Variants in KIAA1328 observed in about 807,000 individuals in gnomAD.
KIAA1328 encodes protein hinderin.
A neutral mutation model predicts 68.1 loss-of-function variants in KIAA1328; 52 were observed. The observed-to-expected ratio is 0.76, with a 90% CI of 0.61 to 0.96. The LOEUF (loss-of-function observed/expected upper bound fraction) is 0.96. Among genes scored for constraint, KIAA1328 ranks in the 40% least tolerant of loss-of-function variants. The pLI, the probability that KIAA1328 is intolerant of heterozygous loss-of-function variation, is 0.00. For synonymous variants in KIAA1328, 232 were observed against 239.4 expected (o/e 0.97, Z 0.28); for missense variants, 641 against 677.6 (o/e 0.95, Z 0.60).
chr18:36,994,162 A>G (rs568257162), intron 6 of KIAA1328, among the ~76,000 whole-genome samples: 1 of 152,164 alleles, frequency 6.6e-6, no homozygotes, highest in Non-Finnish European at 1.5e-5. Flanking sequence ...TAAACTCATG[A>G]CAATACCACA....
At chr18:37,198,022 G>A (rs927462339) in intron 9 of KIAA1328, among the ~76,000 whole-genome samples, 2 of 152,122 alleles carry the variant, frequency 1.3e-5, no homozygotes, top group Non-Finnish European at 2.9e-5. Context: ...GCAACAAAAA[G>A]GAATGAAGTA....
chr18:37,107,157 G>T (rs532517924), intron 7 of KIAA1328, among the ~76,000 whole-genome samples: 2 of 152,282 alleles, frequency 1.3e-5, no homozygotes, highest in African/African-American at 4.8e-5. Context: ...CAGGAGAATG[G>T]CTTGAGCTCA....
intron 5 of KIAA1328, among the ~76,000 whole-genome samples, chr18:36,913,580 A>C: frequency 7.4e-6 from 1 of 135,710 alleles, no homozygotes. Flanking sequence ...TACTTAGAGG[A>C]AAGCAACTGC....
intron 7 of KIAA1328, among the ~76,000 whole-genome samples, chr18:37,151,299 T>A (rs541712190): frequency 1.3e-5 from 2 of 152,284 alleles, no homozygotes; most frequent in East Asian, 3.9e-4. Context: ...AAGAAAGATA[T>A]GCTCTTGAAT....
chr18:37,216,473 C>A (rs2060435784), intron 9 of KIAA1328, among the ~76,000 whole-genome samples: 1 of 152,044 alleles, frequency 6.6e-6, no homozygotes, highest in Non-Finnish European at 1.5e-5. Flanking sequence ...AGTTTCTTAA[C>A]CCTGAGTTTG....
chr18:37,173,224 T>A (rs2059535319), intron 9 of KIAA1328, 143 bp downstream of exon 9: 1 of 600,330 alleles, frequency 1.7e-6, no homozygotes, highest in Non-Finnish European at 2.8e-6. Context: ...GCATCTAGAT[T>A]TGGCCAGTTT....
chr18:37,119,944 G>A (rs1051186183), intron 7 of KIAA1328, among the ~76,000 whole-genome samples: 1 of 152,106 alleles, frequency 6.6e-6, no homozygotes, highest in African/African-American at 2.4e-5. Flanking sequence ...GTAGGGATGG[G>A]GCAAAGAAAA....
At chr18:36,864,767 G>A (rs2047690831) in intron 4 of KIAA1328, among the ~76,000 whole-genome samples, 1 of 151,854 alleles carries the variant, frequency 6.6e-6, no homozygotes, top group Non-Finnish European at 1.5e-5. Flanking sequence ...TAACTTTTTA[G>A]TTAAAAATTC....
chr18:36,984,334 A>G (rs2052819844), intron 6 of KIAA1328, among the ~76,000 whole-genome samples: 1 of 152,230 alleles, frequency 6.6e-6, no homozygotes, highest in Non-Finnish European at 1.5e-5. Context: ...ATTTATAAAT[A>G]GCATGACCAT....
At chr18:36,892,373 A>G (rs1207209750) in intron 5 of KIAA1328, among the ~76,000 whole-genome samples, 1 of 152,188 alleles carries the variant, frequency 6.6e-6, no homozygotes, top group East Asian at 1.9e-4. Context: ...AAGACTGTAA[A>G]TAGAAGAGAA....
intron 4 of KIAA1328, among the ~76,000 whole-genome samples, chr18:36,844,703 C>G (rs1355141902): frequency 6.6e-6 from 1 of 151,842 alleles, no homozygotes; most frequent in Non-Finnish European, 1.5e-5. Context: ...TATTGCCTTG[C>G]TAATTCCTAA....
chr18:37,113,452 A>G (rs1183296451), intron 7 of KIAA1328, among the ~76,000 whole-genome samples: 1 of 152,244 alleles, frequency 6.6e-6, no homozygotes, highest in Non-Finnish European at 1.5e-5. Flanking sequence ...ACAGACAAGC[A>G]AATGCTGAAA....
intron 6 of KIAA1328, among the ~76,000 whole-genome samples, chr18:36,990,749 A>T (rs2151414836): frequency 6.6e-6 from 1 of 152,156 alleles, no homozygotes; most frequent in East Asian, 1.9e-4. Context: ...ACATCCTTGT[A>T]CATGTAACTT....
intron 7 of KIAA1328, among the ~76,000 whole-genome samples, chr18:37,136,873 G>A: frequency 6.6e-6 from 1 of 152,130 alleles, no homozygotes; most frequent in East Asian, 1.9e-4. Context: ...AATTCTCAAG[G>A]TCTTTGTAGG....
At chr18:37,171,535 A>G (rs1006175977) in intron 8 of KIAA1328, among the ~76,000 whole-genome samples, 2 of 152,120 alleles carry the variant, frequency 1.3e-5, no homozygotes, top group Non-Finnish European at 2.9e-5. Context: ...GTGATAGTCA[A>G]GAGTGTCTTG....
intron 1 of KIAA1328, among the ~76,000 whole-genome samples, chr18:36,833,647 A>C (rs1037007067): frequency 2.0e-5 from 3 of 152,256 alleles, no homozygotes; most frequent in Non-Finnish European, 4.4e-5. Flanking sequence ...AGCTTATTGC[A>C]ATAATCCTGG....
intron 5 of KIAA1328, among the ~76,000 whole-genome samples, chr18:36,954,659 T>G (rs567136934): frequency 1.8e-4 from 28 of 152,214 alleles, no homozygotes; most frequent in African/African-American, 6.5e-4. Flanking sequence ...AGTAATTAGT[T>G]TGCTTTCTTC....
intron 4 of KIAA1328, among the ~76,000 whole-genome samples, chr18:36,874,692 C>T (rs1337722251): frequency 6.6e-6 from 1 of 152,154 alleles, no homozygotes; most frequent in Non-Finnish European, 1.5e-5. Flanking sequence ...TTAATTAGAA[C>T]CCATTTGTAA....
At chr18:36,869,824 G>A (rs187539440) in intron 4 of KIAA1328, among the ~76,000 whole-genome samples, 114 of 152,230 alleles carry the variant, frequency 7.5e-4, no homozygotes, top group African/African-American at 2.7e-3. Context: ...GGACATTTGA[G>A]AATTGAGTAT....
Sources: allele counts gnomAD v4.1 joint callset (sites outside exome capture counted in the v4.1 genomes callset), GRCh38; gene constraint gnomAD v4.1.1; transcripts MANE v1.5; gene names NCBI Gene and HGNC (gene_info 2026-07-23, HGNC 2026-07-21).